SLIT3: variants seen among roughly 807,000 people sequenced by gnomAD.
SLIT3 encodes slit guidance ligand 3.
In SLIT3, 68 loss-of-function variants were observed where a neutral mutation model predicts 184.0. The observed-to-expected ratio is 0.37, with a 90% confidence interval of 0.30 to 0.45. The LOEUF is 0.45. Among genes scored for constraint, SLIT3 ranks in the 20% least tolerant of loss-of-function variants. The pLI, the probability that SLIT3 is intolerant of heterozygous loss-of-function variation, is 1.00. For synonymous variants in SLIT3, 831 were observed against 828.6 expected, an observed-to-expected ratio of 1.00 and a Z score of -0.05; for missense variants, 1,707 against 2,026.0, an observed-to-expected ratio of 0.84 and a Z score of 3.02.
chr5:168,676,047 T>A (rs1761399415), intron 32 of SLIT3, among the ~76,000 whole-genome samples: 1 of 151,902 alleles, frequency 6.6e-6, no homozygotes, highest in Admixed American at 6.6e-5. Context: ...TTATCTACCC[T>A]CTTCATCCAT....
At chr5:168,757,616 T>C (rs1020597257) in intron 16 of SLIT3, among the ~76,000 whole-genome samples, 5 of 152,206 alleles carry the variant, frequency 3.3e-5, no homozygotes, top group Admixed American at 1.3e-4. Context: ...TTTGTATTTT[T>C]AGTAGAGACG....
chr5:169,119,858 T>G (rs375336285), intron 4 of SLIT3: 19 of 152,338 alleles, frequency 1.2e-4, no homozygotes, highest in African/African-American at 4.6e-4. Flanking sequence ...GAAATGGCTC[T>G]TAATTATGTC....
rs1025841490 is a variant in SLIT3, at chr5:168,665,719, A to G, written c.*735T>C. 6.7e-6 allele frequency: 1 copy of G among 149,480 alleles called. No individual in the cohort carries two copies. Among genetic ancestry groups the G allele is most frequent in the Non-Finnish European group, 1.5e-5 (1 of 68,834 alleles). The allele number at this position is 149,480 out of a possible 1,614,324, so 9.3% of individuals were successfully genotyped here. ...GGTCCCCCAGTGGGTTCAGATACGGAAGCCAGGGCCACCCAGGAAGGAGAA... is the reference window on the plus strand; with the variant it reads ...GGTCCCCCAGTGGGTTCAGATACGGGAGCCAGGGCCACCCAGGAAGGAGAA... On this transcript the variant is annotated 3_prime_UTR_variant, in exon 36 of 36. Transcript: ENST00000519560.
chr5:169,181,464 G>A (rs1286317563), intron 4 of SLIT3, among the ~76,000 whole-genome samples: 6 of 152,100 alleles, frequency 3.9e-5, no homozygotes, highest in African/African-American at 1.2e-4. Flanking sequence ...AAAGTTGGCC[G>A]GGTGCAGTGG....
chr5:169,252,168 A>G (rs1765797775), intron 1 of SLIT3, among the ~76,000 whole-genome samples: 1 of 152,182 alleles, frequency 6.6e-6, no homozygotes, highest in Admixed American at 6.5e-5. Flanking sequence ...AAAATTGTCT[A>G]TTTTCCAGCT....
intron 4 of SLIT3, among the ~76,000 whole-genome samples, chr5:168,989,473 T>C (rs373897968): frequency 1.2e-4 from 19 of 152,194 alleles, no homozygotes; most frequent in African/African-American, 4.6e-4. Flanking sequence ...TGTCTCGCTC[T>C]TTGGGGTAAG....
chr5:169,226,816 G>A (rs1764828196), intron 3 of SLIT3, among the ~76,000 whole-genome samples: 1 of 152,132 alleles, frequency 6.6e-6, no homozygotes, highest in Admixed American at 6.5e-5. Context: ...TTCACTTTCA[G>A]TTTTTTGCTA....
At chr5:168,818,229 T>C (rs964649206) in intron 7 of SLIT3, among the ~76,000 whole-genome samples, 1 of 152,184 alleles carries the variant, frequency 6.6e-6, no homozygotes, top group Admixed American at 6.5e-5. Context: ...TGAAAATATT[T>C]TCTAACCAGT....
intron 35 of SLIT3, among the ~76,000 whole-genome samples, chr5:168,668,930 A>T (rs1707983144): frequency 6.6e-6 from 1 of 152,186 alleles, no homozygotes; most frequent in Admixed American, 6.5e-5. Flanking sequence ...CATGATGCCC[A>T]GCTAATTTTT....
chr5:168,810,721 C>CA (rs1173199862), intron 8 of SLIT3, among the ~76,000 whole-genome samples: 1 of 152,178 alleles, frequency 6.6e-6, no homozygotes, highest in African/African-American at 2.4e-5. Flanking sequence ...TTAAGGCCCC[C>CA]TGGACCATGG....
At chr5:168,854,942 G>A (rs976417214) in intron 5 of SLIT3, among the ~76,000 whole-genome samples, 5 of 152,220 alleles carry the variant, frequency 3.3e-5, no homozygotes, top group Admixed American at 1.3e-4. Context: ...TCAGCAGCAC[G>A]TGCTGTGCTG....
At chr5:168,816,248 G>A (rs1467865971) in intron 8 of SLIT3, among the ~76,000 whole-genome samples, 1 of 152,094 alleles carries the variant, frequency 6.6e-6, no homozygotes, top group Non-Finnish European at 1.5e-5. Flanking sequence ...GTACAGTGGT[G>A]CGATCTTGGC....
chr5:168,739,600 G>A (rs1427462578), intron 20 of SLIT3, among the ~76,000 whole-genome samples: 21 of 151,516 alleles, frequency 1.4e-4, no homozygotes, highest in African/African-American at 4.4e-4. Context: ...GATTACAGGC[G>A]CCCACAACCA....
At chr5:168,950,883 T>A (rs1247024893) in intron 4 of SLIT3, among the ~76,000 whole-genome samples, 1 of 152,202 alleles carries the variant, frequency 6.6e-6, no homozygotes, top group African/African-American at 2.4e-5. Flanking sequence ...ATTCCATAAG[T>A]TGCATACTAG....
intron 4 of SLIT3, among the ~76,000 whole-genome samples, chr5:169,007,434 C>A (rs1039263984): frequency 6.6e-6 from 1 of 152,150 alleles, no homozygotes; most frequent in Non-Finnish European, 1.5e-5. Flanking sequence ...ATCAGGCAGT[C>A]CCTTTGGACC....
chr5:168,902,355 G>A (rs1034398853), intron 4 of SLIT3, among the ~76,000 whole-genome samples: 10 of 152,336 alleles, frequency 6.6e-5, no homozygotes, highest in African/African-American at 9.6e-5. Flanking sequence ...GAAGATAGAC[G>A]TAAGAAAACA....
At chr5:168,945,695 A>T (rs964706295) in intron 4 of SLIT3, among the ~76,000 whole-genome samples, 4 of 152,262 alleles carry the variant, frequency 2.6e-5, no homozygotes, top group African/African-American at 9.6e-5. Context: ...TGAGAGAGAG[A>T]AAACAATCCC....
At chr5:169,089,107 T>A (rs1375684149) in intron 4 of SLIT3, among the ~76,000 whole-genome samples, 1 of 140,594 alleles carries the variant, frequency 7.1e-6, no homozygotes, top group Non-Finnish European at 1.5e-5. Flanking sequence ...CTGTGTTTCA[T>A]ACCGATGTGC....
In SLIT3 at chr5:168,735,196, A is replaced by C. The variant is rs143769482; in HGVS notation, c.2271-10712T>G. ...AAATGCTCTGTTTCAGCCCCAGTGC[A>C]AACACACAAGGACACATCTGCCTTG... On this transcript the variant is annotated intron_variant, in intron 20 of 35. Transcript: ENST00000519560. 4.5e-3 allele frequency among the ~76,000 whole-genome samples: 684 copies of C among 152,320 alleles called. 4 individuals carry two copies. The highest frequency in any genetic ancestry group is 0.015 in the African/African-American group (644 of 41,562).
Sources: allele counts gnomAD v4.1 joint callset (sites outside exome capture counted in the v4.1 genomes callset), GRCh38; gene constraint gnomAD v4.1.1; transcripts MANE v1.5; gene names NCBI Gene and HGNC (gene_info 2026-07-23, HGNC 2026-07-21).